Variants in CECR2 observed in about 807,000 individuals in gnomAD.
The protein encoded by CECR2 is chromatin remodeling regulator CECR2.
A neutral mutation model predicts 154.5 loss-of-function variants in CECR2; 30 were observed. The observed-to-expected ratio is 0.19, with a 90% CI of 0.15 to 0.26. The LOEUF is 0.26. Among genes scored for constraint, CECR2 ranks in the 10% least tolerant of loss-of-function variants. CECR2 has a pLI of 1.00. For missense variants in CECR2, 1,743 were observed against 1,829.3 expected, an observed-to-expected ratio of 0.95 and a Z score of 0.86; for synonymous variants, 725 against 683.7, an observed-to-expected ratio of 1.06 and a Z score of -0.94.
chr22:17,542,760 G>A lies in CECR2; in HGVS notation c.2617G>A (p.Val873Met). The change falls in exon 16 of 19, where the codon GTG becomes ATG. Residue 873 changes from valine (V) to methionine (M), a missense_variant. Physicochemically the swap from Val to Met is conservative, Grantham distance 21. Transcript: ENST00000262608. ...FGAPAQALRG[V>M]QGGDSMMDSP... is the part of the protein sequence containing the mutation. ...AGCACCTGCCCAGGCTCTTCGGGGG[G>A]TGCAGGGAGGGGACTCCATGATGGA... 1.2e-6 allele frequency: 2 copies of A among 1,613,970 alleles called. No homozygotes were observed. Among genetic ancestry groups the A allele is most frequent in the Middle Eastern group, 1.6e-4 (1 of 6,062 alleles).
At chr22:17,443,890 T>C (rs1344228214) in intron 1 of CECR2, among the ~76,000 whole-genome samples, 3 of 152,090 alleles carry the variant, frequency 2.0e-5, no homozygotes, top group Non-Finnish European at 2.9e-5. Context: ...TTTTGAAATG[T>C]AGGACGGAAG....
chr22:17,544,254 T>C (rs2056575291), intron 16 of CECR2, among the ~76,000 whole-genome samples: 1 of 152,026 alleles, frequency 6.6e-6, no homozygotes, highest in South Asian at 2.1e-4. Flanking sequence ...ATCCCAGCAC[T>C]TTGGGAGGCC....
chr22:17,536,246 C>T (rs1413483827), intron 9 of CECR2, among the ~76,000 whole-genome samples: 2 of 152,116 alleles, frequency 1.3e-5, no homozygotes, highest in East Asian at 3.8e-4. Flanking sequence ...AAAACTCCGT[C>T]TCAAAAATAA....
At chr22:17,534,006 G>T (rs1306008342) in intron 9 of CECR2, among the ~76,000 whole-genome samples, 2 of 151,988 alleles carry the variant, frequency 1.3e-5, no homozygotes, top group Non-Finnish European at 2.9e-5. Flanking sequence ...GAGCCACCAT[G>T]CCCGGCCGAG....
chr22:17,450,637 G>C (rs5747161), intron 1 of CECR2, among the ~76,000 whole-genome samples: 45,297 of 152,078 alleles, frequency 0.3, 9,612 homozygotes, highest in African/African-American at 0.57. Flanking sequence ...CACAAATAAT[G>C]TGTGCGTATA....
chr22:17,410,746 A>G lies in CECR2; in HGVS notation c.126+40837A>G. Among the ~76,000 whole-genome samples the G allele has an allele frequency of 1.3e-5, 2 of 152,220 alleles. 1 individual carries two copies. ...CAGGCATGAGTCACCACGCCTGGCCAAAACAAGCTTTAATTGAATAGAAAT... is the reference window on the plus strand; with the variant it reads ...CAGGCATGAGTCACCACGCCTGGCCGAAACAAGCTTTAATTGAATAGAAAT... On this transcript the variant is annotated intron_variant, in intron 1 of 18. Transcript: ENST00000262608.
Position 17,499,542 on chromosome 22 carries a change from T to C in CECR2, c.538T>C (p.Leu180=), listed in dbSNP as rs2146878791. The C allele has an allele frequency of 6.2e-7, 1 of 1,608,532 alleles. No individual in the cohort carries two copies. The highest frequency in any genetic ancestry group is 2.2e-5 in the East Asian group (1 of 44,802). The change falls in exon 4 of 19, where the codon TTG becomes CTG. Residue 180 remains leucine (L), a synonymous_variant. Transcript: ENST00000262608. ...AGGAAAATCCAATGGAGAACTCTCT[T>C]TGAGCAGGTATGTTCTTCAGTGTTA... ...VQGKSNGELS[L]SRESEGQKNV... is the part of the protein sequence containing the mutation.
chr22:17,537,381 G>C (rs1320380251), intron 10 of CECR2, 149 bp downstream of exon 10: 10 of 850,312 alleles, frequency 1.2e-5, no homozygotes, highest in East Asian at 2.5e-5. Context: ...TGCACACACA[G>C]ACACGCCTAG....
chr22:17,493,588 C>T lies in CECR2; in HGVS notation c.222-3815C>T, dbSNP rs970882661. On this transcript the variant is annotated intron_variant, in intron 2 of 18. Coordinates refer to ENST00000262608, the MANE Select transcript of CECR2 (RefSeq NM_001290047.2). The stretch of plus-strand genomic sequence containing the variant: ...ATGGAATTGTCTTGGATTGTAGGCC[C>T]TCAGGTGTCTCCTAGTTAAGGTGGC... Among the ~76,000 whole-genome samples, 3 of 152,140 alleles carry T rather than the reference C, an allele frequency of 2.0e-5. No homozygotes were observed. The South Asian group carries it at 6.2e-4, about 31-fold the overall frequency.
intron 1 of CECR2, among the ~76,000 whole-genome samples, chr22:17,394,989 C>A (rs1437399129): frequency 6.6e-6 from 1 of 151,992 alleles, no homozygotes; most frequent in Non-Finnish European, 1.5e-5. Context: ...CAAATGCATT[C>A]CTTTTAAGTA....
intron 9 of CECR2, among the ~76,000 whole-genome samples, chr22:17,531,516 A>G (rs1036450008): frequency 1.3e-5 from 2 of 152,228 alleles, no homozygotes; most frequent in Admixed American, 6.5e-5. Context: ...AAAGCAGAAC[A>G]TGAAAATTGG....
chr22:17,403,590 A>G (rs775230914), intron 1 of CECR2, among the ~76,000 whole-genome samples: 1 of 152,080 alleles, frequency 6.6e-6, no homozygotes, highest in Non-Finnish European at 1.5e-5. Flanking sequence ...GCTTATCACT[A>G]TTCAGTAGTG....
chr22:17,528,370 G>A (rs958596839), intron 9 of CECR2, among the ~76,000 whole-genome samples: 1 of 152,154 alleles, frequency 6.6e-6, no homozygotes, highest in African/African-American at 2.4e-5. Flanking sequence ...AATTGAACCC[G>A]TGGAGATAGA....
chr22:17,488,825 G>A (rs752191247), intron 2 of CECR2, among the ~76,000 whole-genome samples: 5 of 152,114 alleles, frequency 3.3e-5, no homozygotes, highest in African/African-American at 4.8e-5. Flanking sequence ...AATTGCTGGC[G>A]GGTCACATGG....
intron 1 of CECR2, among the ~76,000 whole-genome samples, chr22:17,372,562 G>A (rs1261045614): frequency 6.6e-6 from 1 of 152,092 alleles, no homozygotes; most frequent in South Asian, 2.1e-4. Context: ...AGTTACATCC[G>A]TAGGCTGAGG....
chr22:17,448,055 T>A (rs184258866), intron 1 of CECR2, among the ~76,000 whole-genome samples: 188 of 152,326 alleles, frequency 1.2e-3, no homozygotes, highest in African/African-American at 4.4e-3. Context: ...ACACTATTTT[T>A]AAATAGTTTT....
chr22:17,454,422 A>C (rs9618026), intron 1 of CECR2, among the ~76,000 whole-genome samples: 138 of 151,184 alleles, frequency 9.1e-4, no homozygotes, highest in African/African-American at 3.2e-3. Context: ...TGGCTAACAC[A>C]GTGAAACCCC....
intron 1 of CECR2, among the ~76,000 whole-genome samples, chr22:17,436,670 G>A (rs186527944): frequency 4.0e-4 from 61 of 152,334 alleles, no homozygotes; most frequent in African/African-American, 1.5e-3. Flanking sequence ...CCCCAGACAG[G>A]GAAGTCCTGC....
intron 1 of CECR2, among the ~76,000 whole-genome samples, chr22:17,373,499 A>G (rs2063084139): frequency 6.6e-6 from 1 of 152,204 alleles, no homozygotes. Context: ...TTAACATTGT[A>G]TCCTTCCACT....
Sources: allele counts gnomAD v4.1 joint callset (sites outside exome capture counted in the v4.1 genomes callset), GRCh38; gene constraint gnomAD v4.1.1; transcripts MANE v1.5; gene names NCBI Gene and HGNC (gene_info 2026-07-23, HGNC 2026-07-21).